The following MAP3K6 variants were observed in gnomAD, a reference collection of about 807,000 sequenced individuals.
The protein encoded by MAP3K6 is mitogen-activated protein kinase kinase kinase 6, also known as apoptosis signal-regulating kinase 2.
A neutral mutation model predicts 147.1 loss-of-function variants in MAP3K6; 105 were observed. The observed-to-expected ratio is 0.71, with a 90% confidence interval of 0.61 to 0.84. The LOEUF (loss-of-function observed/expected upper bound fraction) is 0.84. Among genes scored for constraint, MAP3K6 ranks in the 40% least tolerant of loss-of-function variants. The probability of loss-of-function intolerance (pLI) is 0.00; values close to 1 mark genes in which losing one functional copy is unlikely to be tolerated. For synonymous variants in MAP3K6, 695 were observed against 732.4 expected (o/e 0.95, Z 0.82); for missense variants, 1,569 against 1,715.0 (o/e 0.91, Z 1.50).
rs770886299 is a variant in MAP3K6, at chr1:27,355,791, C to T, written c.3712-46G>A. The T allele has an allele frequency of 4.4e-6, 7 of 1,574,024 alleles. No homozygotes were observed. The Admixed American group carries it at 6.7e-5, about 15-fold the overall frequency. ...GCAGAAAGAGGGAAATAAGAAATTACAGAAAGATGTGTCGAGACCCAGGTA... is the reference window on the plus strand; with the variant it reads ...GCAGAAAGAGGGAAATAAGAAATTATAGAAAGATGTGTCGAGACCCAGGTA... On this transcript the variant is annotated intron_variant, in intron 27 of 28. Coordinates refer to ENST00000357582, the MANE Select transcript of MAP3K6 (RefSeq NM_004672.5).
Position 27,366,582 on chromosome 1 carries a change from G to C in MAP3K6, c.16C>G (p.Pro6Ala), listed in dbSNP as rs1381872487. The C allele has an allele frequency of 1.2e-5, 13 of 1,080,850 alleles. No homozygotes were observed. Among genetic ancestry groups the C allele is most frequent in the Non-Finnish European group, 1.5e-5 (13 of 892,528 alleles). 67.0% of individuals were successfully genotyped at this position (1,080,850 alleles called of 1,614,324 possible). Residue 6 changes from proline to alanine, a missense_variant, in exon 1 of 29, where the codon CCC becomes GCC. Transcript: ENST00000357582. The surrounding 1 kb of genome is among the most constrained non-coding windows in gnomAD (Gnocchi z 5.5). MAGPC[P>A]RSGAERAGSC... is the part of the protein sequence containing the mutation. ...CCGGCGCGCTCCGCCCCGGACCGGG[G>C]ACACGGCCCCGCCATGCGGGGGCGC...
At chr1:27,363,639 C>T in intron 5 of MAP3K6, 91 bp from the exon 6 acceptor site, 1 of 1,016,916 alleles carries the variant, frequency 9.8e-7, no homozygotes, top group South Asian at 1.6e-5. Flanking sequence ...TGACATCCCA[C>T]CCAGCCACCA....
Position 27,358,914 on chromosome 1 carries a change from G to T in MAP3K6, c.2426-48C>A. On this transcript the variant is annotated intron_variant, in intron 18 of 28. Transcript: ENST00000357582. The surrounding 1 kb of genome is among the most constrained non-coding windows in gnomAD (Gnocchi z 6.2). ...AATGCCCATCTAGGCTTCATCATGG[G>T]GTTGGAGCAGGGAGGGGAATGCCGT... 6.6e-7 allele frequency: 1 copy of T among 1,522,260 alleles called. No homozygotes were observed. The highest frequency in any genetic ancestry group is 8.8e-7 in the Non-Finnish European group (1 of 1,133,660). 94.3% of individuals were successfully genotyped at this position (1,522,260 alleles called of 1,614,324 possible).
rs763305935 is a variant in MAP3K6 at position 27,361,611 on chromosome 1, A to C, written c.1595T>G (p.Met532Arg). The change falls in exon 11 of 29, where the codon ATG becomes AGG. Residue 532 changes from methionine (M) to arginine (R), a missense_variant. Physicochemically the swap from Met to Arg is moderately conservative, Grantham distance 91. Coordinates refer to ENST00000357582, the MANE Select transcript of MAP3K6 (RefSeq NM_004672.5). ...CTTTGCAGGCAGCAGCACCTTGTTC[A>C]TCTCCAGGACCAGCACCTGCAGGCA... ...GDQCLVLVLE[M>R]NKVLLPAKLE... 6.2e-7 allele frequency: 1 copy of C among 1,614,168 alleles called. No homozygotes were observed. Among genetic ancestry groups the C allele is most frequent in the East Asian group, 2.2e-5 (1 of 44,890 alleles).
chr1:27,358,932 A>G lies in MAP3K6; in HGVS notation c.2426-66T>C. On this transcript the variant is annotated intron_variant, in intron 18 of 28. Transcript: ENST00000357582. The surrounding 1 kb of genome is among the most constrained non-coding windows in gnomAD (Gnocchi z 6.2). ...ATCATGGGGTTGGAGCAGGGAGGGGAATGCCGTCATCCTCAGGCCGACTGC... is the reference window on the plus strand; with the variant it reads ...ATCATGGGGTTGGAGCAGGGAGGGGGATGCCGTCATCCTCAGGCCGACTGC... 6.7e-7 allele frequency: 1 copy of G among 1,488,892 alleles called. No homozygotes were observed. Among genetic ancestry groups the G allele is most frequent in the Non-Finnish European group, 9.0e-7 (1 of 1,107,578 alleles). The allele number at this position is 1,488,892 out of a possible 1,614,324, so 92.2% of individuals were successfully genotyped here. A position where few individuals can be genotyped will look rare whatever the true frequency, so the allele number is the denominator to read the frequency against.
intron 13 of MAP3K6, 50 bp from the exon 14 acceptor site, chr1:27,361,058 C>A (rs866550736): frequency 6.5e-7 from 1 of 1,537,604 alleles, no homozygotes; most frequent in Non-Finnish European, 8.8e-7. Flanking sequence ...TGGTCCCCAC[C>A]TAAGCCGGAG....
At position 27,364,235 on chromosome 1, in the gene MAP3K6, G is replaced by A. The variant is rs139204302; in HGVS notation, c.664C>T (p.Arg222Cys). The A allele has an allele frequency of 1.6e-5, 25 of 1,612,632 alleles. No homozygotes were observed. Among genetic ancestry groups the A allele is most frequent in the East Asian group, 6.7e-5 (3 of 44,898 alleles). The change falls in exon 4 of 29, where the codon CGC (arginine) becomes TGC (cysteine). Residue 222 changes from arginine to cysteine, a missense_variant. Transcript: ENST00000357582. The surrounding 1 kb of genome is among the most constrained non-coding windows in gnomAD (Gnocchi z 4.4). ...TCTGTGGGTGTGGCCTCCAGCAGGCGGGCAAGCCGGCCCACCAGGGGAGTG... is the reference window on the plus strand; with the variant it reads ...TCTGTGGGTGTGGCCTCCAGCAGGCAGGCAAGCCGGCCCACCAGGGGAGTG... ...LLTPLVGRLA[R>C]LLEATPTDSC...
chr1:27,357,671 C>T (rs778616914), intron 22 of MAP3K6, 40 bp downstream of exon 22: 2 of 1,602,558 alleles, frequency 1.2e-6, no homozygotes, highest in South Asian at 1.1e-5. Context: ...GTGTCCTGAC[C>T]CTTTGCGACC....
In MAP3K6 at chr1:27,364,102, G is replaced by C. The variant is rs368855737; in HGVS notation, c.696-17C>G. The C allele has an allele frequency of 1.9e-6, 3 of 1,607,738 alleles. No homozygotes were observed. The highest frequency in any genetic ancestry group is 2.7e-5 in the African/African-American group (2 of 74,888). On this transcript the variant is annotated splice_polypyrimidine_tract_variant and intron_variant, in intron 4 of 28. Transcript: ENST00000357582. This position sits in a 1 kb window ranked among gnomAD's most constrained non-coding sequence, Gnocchi z 4.4. ...AAATAGCCACTGATGCCCAGGGTAG[G>C]GGAGGCAGGGAGAGAGAATGGTGGG... is the stretch of plus-strand genomic sequence containing the variant.
intron 26 of MAP3K6, 104 bp downstream of exon 26, chr1:27,356,284 C>T: frequency 8.2e-7 from 1 of 1,217,266 alleles, no homozygotes; most frequent in Non-Finnish European, 1.2e-6. Context: ...CCGCCAAGGC[C>T]CGCTCAGGTG....
intron 24 of MAP3K6, 121 bp downstream of exon 24, chr1:27,356,888 C>T (rs2015547596): frequency 2.1e-6 from 3 of 1,404,498 alleles, no homozygotes; most frequent in Admixed American, 2.1e-5. Flanking sequence ...TTTAGTCACG[C>T]CCCCACCGGC....
chr1:27,364,741 G>A lies in MAP3K6; in HGVS notation c.480+32C>T. Reference sequence around the variant, plus strand: ...TCTGTGTAGGCCTTACCCCAGCCCTGTGCCTGCCTCCACCAGCCCCAGGCC... The same window carrying A: ...TCTGTGTAGGCCTTACCCCAGCCCTATGCCTGCCTCCACCAGCCCCAGGCC... On this transcript the variant is annotated intron_variant, in intron 2 of 28. Transcript: ENST00000357582. This position sits in a 1 kb window ranked among gnomAD's most constrained non-coding sequence, Gnocchi z 4.4. 1.2e-6 allele frequency: 2 copies of A among 1,614,014 alleles called. No individual in the cohort carries two copies. Among genetic ancestry groups the A allele is most frequent in the South Asian group, 1.1e-5 (1 of 91,084 alleles).
At chr1:27,362,048 T>C (rs2015794972) in intron 9 of MAP3K6, 43 bp downstream of exon 9, 1 of 1,576,364 alleles carries the variant, frequency 6.3e-7, no homozygotes, top group Non-Finnish European at 8.6e-7. Flanking sequence ...GTGCAGGAGC[T>C]GACAGCCCAG....
At position 27,366,441 on chromosome 1, in the gene MAP3K6, G is replaced by A. The variant is rs956095026; in HGVS notation, c.157C>T (p.Arg53Trp). Residue 53 changes from arginine (R) to tryptophan (W), a missense_variant, in exon 1 of 29, where the codon CGG (arginine) becomes TGG (tryptophan). Physicochemically the swap from Arg to Trp is moderately radical, Grantham distance 101 (BLOSUM62 -3). Coordinates refer to ENST00000357582, the MANE Select transcript of MAP3K6 (RefSeq NM_004672.5). This position sits in a 1 kb window ranked among gnomAD's most constrained non-coding sequence, Gnocchi z 5.5. ...GGCTCGAGCCCGGGCTGCGGCTCCC[G>A]GGTCAGCACGTAGACCACGCTGAGC... ...RPLSVVYVLTREPQPGLEPRE... is the reference protein window; with the variant it reads ...RPLSVVYVLTWEPQPGLEPRE... 2 of 1,214,610 alleles carry A rather than the reference G, an allele frequency of 1.6e-6. No individual in the cohort carries two copies. The highest frequency in any genetic ancestry group is 2.0e-6 in the Non-Finnish European group (2 of 976,886). The allele number at this position is 1,214,610 out of a possible 1,614,324, so 75.2% of individuals were successfully genotyped here. A position where few individuals can be genotyped will look rare whatever the true frequency, so the allele number is the denominator to read the frequency against.
chr1:27,362,613 C>G (rs538360379), intron 8 of MAP3K6, 28 bp downstream of exon 8: 3 of 1,515,064 alleles, frequency 2.0e-6, no homozygotes, highest in Middle Eastern at 2.0e-4. Context: ...CTGTGGGTGA[C>G]GAGACAAGAG....
rs780290839 is a variant in MAP3K6 at position 27,361,389 on chromosome 1, G to C, written c.1693C>G (p.Pro565Ala). 6.2e-7 allele frequency: 1 copy of C among 1,613,802 alleles called. No homozygotes were observed. The highest frequency in any genetic ancestry group is 1.7e-5 in the Admixed American group (1 of 59,996). ...SLLEPETQDIPSSWTFPVASI... is the reference protein window; with the variant it reads ...SLLEPETQDIASSWTFPVASI... ...GCGACTGGGAAGGTCCAGCTGGAGG[G>C]AATGTCCTGCAAGAAGAAATGGGGT... is the stretch of plus-strand genomic sequence containing the variant. Residue 565 changes from proline to alanine, a missense_variant, in exon 12 of 29, where the codon CCC (proline) becomes GCC (alanine). Pro to Ala is a conservative substitution (Grantham distance 27, BLOSUM62 -1). Coordinates refer to ENST00000357582, the MANE Select transcript of MAP3K6 (RefSeq NM_004672.5).
At chr1:27,363,613 G>T in intron 5 of MAP3K6, 65 bp from the exon 6 acceptor site, 2 of 1,306,520 alleles carry the variant, frequency 1.5e-6, no homozygotes, top group South Asian at 1.4e-5. Context: ...CTTGAGCCAG[G>T]GTCCTGTCCC....
In MAP3K6 at chr1:27,364,598, G is replaced by A; in HGVS notation, c.504+63C>T. ...GACTGAGGAGGCCAGGGGGATTAGT[G>A]GAGGTCAGAGGTCATAGCGGAAGTC... is the stretch of plus-strand genomic sequence containing the variant. On this transcript the variant is annotated intron_variant, in intron 3 of 28. Transcript: ENST00000357582. The surrounding 1 kb of genome is among the most constrained non-coding windows in gnomAD (Gnocchi z 4.4). The A allele has an allele frequency of 1.2e-6, 2 of 1,610,382 alleles. No individual in the cohort carries two copies. The highest frequency in any genetic ancestry group is 8.5e-7 in the Non-Finnish European group (1 of 1,176,618).
At chr1:27,363,058 C>T (rs758280389) in intron 6 of MAP3K6, 37 bp from the exon 7 acceptor site, 18 of 1,588,628 alleles carry the variant, frequency 1.1e-5, no homozygotes, top group Non-Finnish European at 1.5e-5. Flanking sequence ...CCCTGATGGC[C>T]CTGGCCTACT....
Sources: allele counts gnomAD v4.1 joint callset, GRCh38; gene constraint gnomAD v4.1.1; non-coding constraint Gnocchi (gnomAD v3.1); transcripts MANE v1.5; gene names NCBI Gene and HGNC (gene_info 2026-07-23, HGNC 2026-07-21).